MGST1: variants seen among roughly 807,000 people sequenced by gnomAD.
The protein encoded by MGST1 is glutathione S-transferase 12.
A neutral mutation model predicts 8.9 loss-of-function variants in MGST1; 5 were observed. The ratio of observed to expected loss-of-function variants is 0.56; its 90% CI spans 0.29 to 1.19. The LOEUF is 1.19. Among genes scored for constraint, MGST1 ranks in the 50% most tolerant of loss-of-function variants. The probability of loss-of-function intolerance (pLI) is 0.08; values close to 1 mark genes in which losing one functional copy is unlikely to be tolerated. For missense variants in MGST1, 182 were observed against 187.4 expected (o/e 0.97, Z 0.17); for synonymous variants, 54 against 67.8 (o/e 0.80, Z 1.00).
intron 4 of MGST1, among the ~76,000 whole-genome samples, chr12:16,588,612 A>G (rs1387306968): frequency 6.6e-6 from 1 of 152,134 alleles, no homozygotes; most frequent in Non-Finnish European, 1.5e-5. Flanking sequence ...ATCCTAATTT[A>G]TATAAAGCAC....
chr12:16,462,830 C>T (rs1256610396), intron 4 of MGST1, among the ~76,000 whole-genome samples: 1 of 152,138 alleles, frequency 6.6e-6, no homozygotes, highest in Admixed American at 6.6e-5. Context: ...ATACTCAGAT[C>T]TCCTAGCTAC....
rs1240230217 is a variant in MGST1, at chr12:16,551,211, A to T, written n.483-38317A>T. On this transcript the variant is annotated intron_variant and non_coding_transcript_variant, in intron 4 of 4. Transcript: ENST00000538857. Reference sequence around the variant, plus strand: ...AGTGCTTTGTATTCTTAATGGGGTGATGTTGATAGATCAGCGAACCTGGGG... The same window carrying T: ...AGTGCTTTGTATTCTTAATGGGGTGTTGTTGATAGATCAGCGAACCTGGGG... The T allele has an allele frequency of 2.0e-6, 3 of 1,489,530 alleles. No individual in the cohort carries two copies. In the African/African-American group the frequency reaches 4.1e-5, roughly 21 times the overall value. 92.3% of individuals were successfully genotyped at this position (1,489,530 alleles called of 1,614,324 possible).
At position 16,410,879 on chromosome 12, in the gene MGST1, C is replaced by T. The variant is rs1940737042; in HGVS notation, n.779-26509C>T. 6.6e-6 allele frequency among the ~76,000 whole-genome samples: 1 copy of T among 151,952 alleles called. No homozygotes were observed. The stretch of plus-strand genomic sequence containing the variant: ...ATTTTTTCCCAAGATGTTCCAGAAT[C>T]ACTATTTCTCTTGCTTTTGTACCCT... On this transcript the variant is annotated intron_variant and non_coding_transcript_variant, in intron 1 of 1. Coordinates refer to the MGST1 transcript ENST00000359720. This position sits in a 1 kb window ranked among gnomAD's most constrained non-coding sequence, Gnocchi z 4.4.
rs191995140 is a variant in MGST1 at position 16,497,638 on chromosome 12, C to T, written n.483-91890C>T. Among the ~76,000 whole-genome samples the T allele has an allele frequency of 7.8e-4, 118 of 152,188 alleles. 1 individual carries two copies. The highest frequency in any genetic ancestry group is 2.7e-3 in the African/African-American group (111 of 41,558). The stretch of plus-strand genomic sequence containing the variant: ...ATAGAAAAGGGAGTTTTAACTAGGT[C>T]GTGGGCCAAATACTTTCTTCAGAAA... On this transcript the variant is annotated intron_variant and non_coding_transcript_variant, in intron 4 of 4. Coordinates refer to the MGST1 transcript ENST00000538857. The surrounding 1 kb of genome is among the most constrained non-coding windows in gnomAD (Gnocchi z 4.4).
At chr12:16,531,823 A>C (rs1941725702) in intron 4 of MGST1, among the ~76,000 whole-genome samples, 1 of 152,144 alleles carries the variant, frequency 6.6e-6, no homozygotes, top group Non-Finnish European at 1.5e-5. Context: ...CCCTGGGCTA[A>C]TTGAAATGAG....
chr12:16,541,960 A>G (rs1941795849), intron 4 of MGST1, among the ~76,000 whole-genome samples: 1 of 152,188 alleles, frequency 6.6e-6, no homozygotes, highest in South Asian at 2.1e-4. Flanking sequence ...TAGCCTAGAC[A>G]GTCCAAGTTC....
At chr12:16,485,813 T>C (rs1349089791) in intron 4 of MGST1, among the ~76,000 whole-genome samples, 3 of 152,000 alleles carry the variant, frequency 2.0e-5, no homozygotes, top group Admixed American at 6.5e-5. Flanking sequence ...AAAAGGAAAA[T>C]CTAAAAATTT....
intron 4 of MGST1, among the ~76,000 whole-genome samples, chr12:16,484,051 C>G (rs1033911512): frequency 6.6e-6 from 1 of 152,178 alleles, no homozygotes; most frequent in African/African-American, 2.4e-5. Context: ...AAGATAACTA[C>G]GTATGCCCAC....
chr12:16,404,163 A>T (rs1940681740), intron 1 of MGST1, among the ~76,000 whole-genome samples: 1 of 152,176 alleles, frequency 6.6e-6, no homozygotes, highest in East Asian at 1.9e-4. Flanking sequence ...ATCTATTTGA[A>T]TTGTACCTTT....
At chr12:16,392,548 T>C (rs1940561947) in intron 1 of MGST1, among the ~76,000 whole-genome samples, 1 of 152,202 alleles carries the variant, frequency 6.6e-6, no homozygotes, top group Non-Finnish European at 1.5e-5. Context: ...TGTACATAGT[T>C]TGAATGCCTG....
chr12:16,362,441 G>C lies in MGST1; in HGVS notation c.222-1354G>C, dbSNP rs1940044125. The C allele has an allele frequency of 6.6e-6, 1 of 152,126 alleles. No individual in the cohort carries two copies. The highest frequency in any genetic ancestry group is 1.5e-5 in the Non-Finnish European group (1 of 68,036). 9.4% of individuals were successfully genotyped at this position (152,126 alleles called of 1,614,324 possible). ...TCTAGGGAAGACAAGACAAAGGAAA[G>C]GAGAGGAGGAGAGTGACGATCGTTG... On this transcript the variant is annotated intron_variant, in intron 3 of 3. Transcript: ENST00000396210. The surrounding 1 kb of genome is among the most constrained non-coding windows in gnomAD (Gnocchi z 4.4).
At chr12:16,397,309 T>C (rs1940613666) in intron 1 of MGST1, among the ~76,000 whole-genome samples, 1 of 152,128 alleles carries the variant, frequency 6.6e-6, no homozygotes, top group African/African-American at 2.4e-5. Context: ...ATCTAAGACC[T>C]GAAAGTATAA....
rs574525510 is a variant in MGST1, at chr12:16,466,044, T to A, written n.482+82440T>A. On this transcript the variant is annotated intron_variant and non_coding_transcript_variant, in intron 4 of 4. Transcript: ENST00000538857. ...GTTTACGCTTATCTGGATGTAAGAA[T>A]GAAAATTGACTTAGTGGAAACACTT... Among the ~76,000 whole-genome samples the A allele has an allele frequency of 2.0e-5, 3 of 152,366 alleles. No homozygotes were observed. In the East Asian group the frequency reaches 5.8e-4, roughly 29 times the overall value.
intron 4 of MGST1, among the ~76,000 whole-genome samples, chr12:16,498,278 G>A (rs1463850742): frequency 1.3e-5 from 2 of 152,094 alleles, no homozygotes; most frequent in East Asian, 3.9e-4. Flanking sequence ...GTCCTAAATG[G>A]GACCACTTCC....
At position 16,361,878 on chromosome 12, in the gene MGST1, A is replaced by G. The variant is rs546294344; in HGVS notation, c.222-1917A>G. Among the ~76,000 whole-genome samples the G allele has an allele frequency of 5.9e-5, 9 of 152,314 alleles. No individual in the cohort carries two copies. The South Asian group carries it at 1.9e-3, about 32-fold the overall frequency. ...CTAGAAAAACATGCAGGAGCTAGAA[A>G]GGTAAAGGAACCCCTGCCCCTTGAC... On this transcript the variant is annotated intron_variant, in intron 3 of 3. Transcript: ENST00000396210. This position sits in a 1 kb window ranked among gnomAD's most constrained non-coding sequence, Gnocchi z 4.2.
At chr12:16,483,142 T>A (rs1278862022) in intron 4 of MGST1, among the ~76,000 whole-genome samples, 1 of 152,204 alleles carries the variant, frequency 6.6e-6, no homozygotes, top group African/African-American at 2.4e-5. Context: ...CTAAAATCAT[T>A]CATTCTACAG....
intron 4 of MGST1, among the ~76,000 whole-genome samples, chr12:16,495,267 G>A (rs545926776): frequency 6.6e-6 from 1 of 151,948 alleles, no homozygotes; most frequent in Non-Finnish European, 1.5e-5. Context: ...CTAAACATTG[G>A]GTCCTCAAGG....
chr12:16,384,059 G>A (rs913207468), intron 1 of MGST1, among the ~76,000 whole-genome samples: 2 of 152,052 alleles, frequency 1.3e-5, no homozygotes, highest in African/African-American at 4.8e-5. Context: ...CATTGAAAAG[G>A]GACAAAAAGT....
At chr12:16,436,970 C>A (rs1168561722) in intron 1 of MGST1, among the ~76,000 whole-genome samples, 3 of 151,914 alleles carry the variant, frequency 2.0e-5, no homozygotes, top group African/African-American at 7.2e-5. Flanking sequence ...GTAATTCTGG[C>A]CATTTATATA....
Sources: allele counts gnomAD v4.1 joint callset (sites outside exome capture counted in the v4.1 genomes callset), GRCh38; gene constraint gnomAD v4.1.1; non-coding constraint Gnocchi (gnomAD v3.1); transcripts MANE v1.5; gene names NCBI Gene and HGNC (gene_info 2026-07-23, HGNC 2026-07-21).